The following PAIP1 variants were observed in gnomAD, a reference collection of about 807,000 sequenced individuals.
PAIP1 encodes poly(A) binding protein interacting protein 1, also known as polyadenylate-binding protein-interacting protein 1.
Under a neutral mutation model 61.3 loss-of-function variants are expected in PAIP1, and 16 were observed. The ratio of observed to expected loss-of-function variants is 0.26; its 90% confidence interval spans 0.18 to 0.40. The LOEUF is 0.40. PAIP1 is among the 10% of genes least tolerant of loss of function. PAIP1 has a pLI of 1.00. For synonymous variants in PAIP1, 187 were observed against 226.2 expected (o/e 0.83, Z 1.56); for missense variants, 416 against 600.9 (o/e 0.69, Z 3.22).
chr5:43,552,112 G>A (rs1747888461), intron 2 of PAIP1, among the ~76,000 whole-genome samples: 1 of 152,134 alleles, frequency 6.6e-6, no homozygotes, highest in Non-Finnish European at 1.5e-5. Context: ...TATATACATT[G>A]TCAAGAGATG....
In PAIP1 at chr5:43,556,852, T is replaced by A; in HGVS notation, c.-6A>T. Reference sequence around the variant, plus strand: ...CGATCGAAACCGTCCGACATGCTCCTCCTCCTCCGCCTCCTCCTCCAGGGG... The same window carrying A: ...CGATCGAAACCGTCCGACATGCTCCACCTCCTCCGCCTCCTCCTCCAGGGG... On this transcript the variant is annotated 5_prime_UTR_variant, in exon 1 of 11. Coordinates refer to ENST00000306846, the MANE Select transcript of PAIP1 (RefSeq NM_006451.5). 7.0e-7 allele frequency: 1 copy of A among 1,425,114 alleles called. No homozygotes were observed. Among genetic ancestry groups the A allele is most frequent in the Non-Finnish European group, 9.2e-7 (1 of 1,091,502 alleles). 88.3% of individuals were successfully genotyped at this position (1,425,114 alleles called of 1,614,324 possible).
At position 43,538,967 on chromosome 5, in the gene PAIP1, T is replaced by C; in HGVS notation, c.803A>G (p.His268Arg). 6.2e-7 allele frequency: 1 copy of C among 1,610,992 alleles called. No homozygotes were observed. The highest frequency in any genetic ancestry group is 8.5e-7 in the Non-Finnish European group (1 of 1,178,350). ...TTCTCCCAGAAAGAGTACAAATGCA[T>C]GAAATCGTTTTCGAGTAACTTCATC... The part of the protein sequence containing the change: ...KGDEVTRKRF[H>R]AFVLFLGELY... The change falls in exon 5 of 11, where the codon CAT (histidine) becomes CGT (arginine). Residue 268 changes from histidine to arginine, a missense_variant. Coordinates refer to ENST00000306846, the MANE Select transcript of PAIP1 (RefSeq NM_006451.5).
intron 7 of PAIP1, 59 bp from the exon 8 acceptor site, chr5:43,535,029 A>T: frequency 1.1e-6 from 1 of 878,758 alleles, no homozygotes; most frequent in Non-Finnish European, 1.9e-6. Flanking sequence ...CAGACCCTAA[A>T]ATATCTCAGA....
At chr5:43,531,655 T>TCAAAAAAAAAAAAAAAAAAAA (rs1746936416) in intron 9 of PAIP1, among the ~76,000 whole-genome samples, 1 of 7,950 alleles carries the variant, frequency 1.3e-4, no homozygotes, top group Non-Finnish European at 3.3e-4. Flanking sequence ...AGACTCTGTC[T>TCAAAAAAAAAAAAAAAAAAAA]CAAAAAAAAA....
At position 43,556,906 on chromosome 5, in the gene PAIP1, CG is replaced by C; in HGVS notation, c.-61del. 7 of 1,328,326 alleles carry C rather than the reference CG, an allele frequency of 5.3e-6. No homozygotes were observed. The highest frequency in any genetic ancestry group is 4.8e-6 in the Non-Finnish European group (5 of 1,041,370). 82.3% of individuals were successfully genotyped at this position (1,328,326 alleles called of 1,614,324 possible). A position where few individuals can be genotyped will look rare whatever the true frequency, so the allele number is the denominator to read the frequency against. Reference sequence around the variant, plus strand: ...CTGCCGCTGCGCTCGCGATAGGACGCGGGGGGAAGGCGCCGCGGGTCGGCTA... The same window carrying C: ...CTGCCGCTGCGCTCGCGATAGGACGCGGGGGAAGGCGCCGCGGGTCGGCTA... On this transcript the variant is annotated 5_prime_UTR_variant, in exon 1 of 11. Coordinates refer to ENST00000306846, the MANE Select transcript of PAIP1 (RefSeq NM_006451.5).
intron 2 of PAIP1, among the ~76,000 whole-genome samples, chr5:43,550,281 ACT>A (rs2111585939): frequency 6.6e-6 from 1 of 152,182 alleles, no homozygotes; most frequent in Non-Finnish European, 1.5e-5. Context: ...TATCACTGTG[ACT>A]CTGAGGATTA....
chr5:43,538,844 A>C, intron 5 of PAIP1, 80 bp downstream of exon 5: 1 of 761,782 alleles, frequency 1.3e-6, no homozygotes, highest in Non-Finnish European at 2.3e-6. Flanking sequence ...GTAAAAGTAC[A>C]ATGTGAACAC....
chr5:43,530,454 A>G (rs1236083655), intron 9 of PAIP1, among the ~76,000 whole-genome samples: 2 of 152,212 alleles, frequency 1.3e-5, no homozygotes, highest in African/African-American at 4.8e-5. Flanking sequence ...TTTTAAGTTA[A>G]GTATTTCTTT....
rs1747550048 is a variant in PAIP1, at chr5:43,544,444, G to A, written c.622-1328C>T. 2.0e-5 allele frequency among the ~76,000 whole-genome samples: 3 copies of A among 152,108 alleles called. No individual in the cohort carries two copies. The South Asian group carries it at 6.2e-4, about 32-fold the overall frequency. On this transcript the variant is annotated intron_variant, in intron 3 of 10. Transcript: ENST00000306846. ...TGTTTTCCTTTAGCTTCTTTTTAGT[G>A]TTATAACACGATTTAAAGACAAGTT...
chr5:43,537,061 G>A (rs749184754), intron 5 of PAIP1, 117 bp from the exon 6 acceptor site: 4 of 616,496 alleles, frequency 6.5e-6, no homozygotes, highest in Non-Finnish European at 1.1e-5. Context: ...AAAAGTCACA[G>A]GAACACACTC....
Position 43,556,941 on chromosome 5 carries a change from G to T in PAIP1, c.-95C>A. 1 of 1,282,662 alleles carries T rather than the reference G, an allele frequency of 7.8e-7. No homozygotes were observed. The highest frequency in any genetic ancestry group is 9.9e-7 in the Non-Finnish European group (1 of 1,014,742). The allele number at this position is 1,282,662 out of a possible 1,614,324, so 79.5% of individuals were successfully genotyped here. A position where few individuals can be genotyped will look rare whatever the true frequency, so the allele number is the denominator to read the frequency against. Reference sequence around the variant, plus strand: ...GCGCCGCGGGTCGGCTATAGCCGCCGCGCCTCACTCGGGCCTCATGGAGGA... The same window carrying T: ...GCGCCGCGGGTCGGCTATAGCCGCCTCGCCTCACTCGGGCCTCATGGAGGA... On this transcript the variant is annotated 5_prime_UTR_variant, in exon 1 of 11. Transcript: ENST00000306846.
At chr5:43,543,541 C>T (rs1747506082) in intron 3 of PAIP1, among the ~76,000 whole-genome samples, 1 of 152,094 alleles carries the variant, frequency 6.6e-6, no homozygotes, top group South Asian at 2.1e-4. Flanking sequence ...GATTCCCTGG[C>T]ATTTTGCTTC....
At chr5:43,538,890 C>G in intron 5 of PAIP1, 34 bp downstream of exon 5, 1 of 1,045,412 alleles carries the variant, frequency 9.6e-7, no homozygotes, top group African/African-American at 1.6e-5. Flanking sequence ...GTTCTCAGGC[C>G]TTGTTAGTAC....
chr5:43,526,399 T>C lies in PAIP1; in HGVS notation c.*977A>G, dbSNP rs1170998895. ...GTACCAAATGTAAAACAGTGGGTTA[T>C]TAACAGAACTATTTACATGCATATT... On this transcript the variant is annotated 3_prime_UTR_variant, in exon 11 of 11. Transcript: ENST00000306846. 6.6e-6 allele frequency: 1 copy of C among 152,358 alleles called. No homozygotes were observed. The highest frequency in any genetic ancestry group is 1.5e-5 in the Non-Finnish European group (1 of 67,964). The allele number at this position is 152,358 out of a possible 1,614,324, so 9.4% of individuals were successfully genotyped here. A position where few individuals can be genotyped will look rare whatever the true frequency, so the allele number is the denominator to read the frequency against.
chr5:43,550,170 C>CT (rs1747806205), intron 2 of PAIP1, among the ~76,000 whole-genome samples: 1 of 152,086 alleles, frequency 6.6e-6, no homozygotes, highest in South Asian at 2.1e-4. Context: ...AGGATAAACT[C>CT]TAATACATTA....
At chr5:43,529,089 C>T (rs191188274) in intron 10 of PAIP1, among the ~76,000 whole-genome samples, 3 of 145,270 alleles carry the variant, frequency 2.1e-5, no homozygotes, top group Admixed American at 1.4e-4. Context: ...TACTGTGTGC[C>T]GGAAGGCTAA....
chr5:43,535,357 A>G (rs1459539413), intron 7 of PAIP1, among the ~76,000 whole-genome samples, 177 bp downstream of exon 7: 1 of 152,220 alleles, frequency 6.6e-6, no homozygotes, highest in Non-Finnish European at 1.5e-5. Flanking sequence ...GTCTATCACA[A>G]AAATGTCTAG....
intron 2 of PAIP1, among the ~76,000 whole-genome samples, chr5:43,551,916 C>T (rs1561238588): frequency 6.6e-6 from 1 of 152,098 alleles, no homozygotes; most frequent in Non-Finnish European, 1.5e-5. Flanking sequence ...ACAGGCACTC[C>T]AACGTGTTTG....
intron 2 of PAIP1, among the ~76,000 whole-genome samples, chr5:43,552,210 GATTGA>G (rs1296450091): frequency 6.6e-6 from 1 of 152,198 alleles, no homozygotes. Flanking sequence ...TAGCTAGCTG[GATTGA>G]ATTAAGGCAA....
Sources: allele counts gnomAD v4.1 joint callset (sites outside exome capture counted in the v4.1 genomes callset), GRCh38; gene constraint gnomAD v4.1.1; transcripts MANE v1.5; gene names NCBI Gene and HGNC (gene_info 2026-07-23, HGNC 2026-07-21).